Variants in NGEF observed in about 807,000 individuals in gnomAD.
NGEF encodes neuronal guanine nucleotide exchange factor.
A neutral mutation model predicts 80.9 loss-of-function variants in NGEF; 31 were observed. The observed-to-expected ratio is 0.38, with a 90% CI of 0.29 to 0.52. NGEF has a LOEUF of 0.52. Among genes scored for constraint, NGEF ranks in the 20% least tolerant of loss-of-function variants. The pLI, the probability that NGEF is intolerant of heterozygous loss-of-function variation, is 0.84. For missense variants in NGEF, 709 were observed against 926.2 expected (o/e 0.77, Z 3.04); for synonymous variants, 371 against 370.2 (o/e 1.00, Z -0.03).
Position 232,879,653 on chromosome 2 carries a change from C to G in NGEF, c.1969G>C (p.Asp657His), listed in dbSNP as rs375499710. Residue 657 changes from aspartate to histidine, a missense_variant, in exon 15 of 15, where the codon GAC becomes CAC. By Grantham distance (81) the Asp-to-His change is moderately conservative (BLOSUM62 -1). Coordinates refer to ENST00000264051, the MANE Select transcript of NGEF (RefSeq NM_019850.3). The part of the protein sequence containing the change: ...DGWIFGERLH[D>H]QERGWFPSSM... ...CTGGGGAACCAGCCTCTCTCCTGGT[C>G]GTGCAGACGCTCGCCAAAGATCCAC... 1.2e-6 allele frequency: 2 copies of G among 1,612,972 alleles called. No individual in the cohort carries two copies. The highest frequency in any genetic ancestry group is 1.7e-6 in the Non-Finnish European group (2 of 1,179,578).
At chr2:232,930,486 A>G (rs915725950) in intron 3 of NGEF, among the ~76,000 whole-genome samples, 2 of 151,494 alleles carry the variant, frequency 1.3e-5, no homozygotes, top group Admixed American at 6.6e-5. Context: ...CGCCTGGCTA[A>G]TTTTTGTATT....
intron 1 of NGEF, among the ~76,000 whole-genome samples, chr2:233,002,474 T>G (rs1207394780): frequency 6.6e-6 from 1 of 152,056 alleles, no homozygotes; most frequent in African/African-American, 2.4e-5. Context: ...GGCCAGGAGT[T>G]CGAGACCAGC....
intron 1 of NGEF, chr2:233,012,491 G>T: frequency 4.8e-6 from 1 of 210,220 alleles, no homozygotes; most frequent in Admixed American, 5.3e-5. Context: ...GAGCTAAAGC[G>T]CAGTGGGCTG....
chr2:232,907,781 C>T (rs760525617), intron 5 of NGEF, among the ~76,000 whole-genome samples: 3 of 152,098 alleles, frequency 2.0e-5, no homozygotes, highest in Non-Finnish European at 4.4e-5. Flanking sequence ...TGAACATTCA[C>T]GTTACTCATT....
At chr2:232,903,439 C>A (rs1279119138) in intron 5 of NGEF, among the ~76,000 whole-genome samples, 1 of 132,784 alleles carries the variant, frequency 7.5e-6, no homozygotes, top group Non-Finnish European at 1.5e-5. Context: ...CATGAGGGCA[C>A]ACACACACAC....
rs991424125 is a variant in NGEF, at chr2:232,923,348, C to T, written c.527-2763G>A. On this transcript the variant is annotated intron_variant, in intron 4 of 14. Transcript: ENST00000264051. ...CTATTGACTGCCTCTCCTGCACCCC[C>T]TCATGCCCCTCTCCCCGGTTGGCAG... Among the ~76,000 whole-genome samples the T allele has an allele frequency of 2.0e-5, 3 of 152,302 alleles. 1 individual carries two copies.
In NGEF at chr2:232,942,800, AAAAAAAAGAAAAG is replaced by A. The variant is rs1478593331; in HGVS notation, c.384-15627_384-15615del. On this transcript the variant is annotated intron_variant, in intron 3 of 14. Coordinates refer to ENST00000264051, the MANE Select transcript of NGEF (RefSeq NM_019850.3). The stretch of plus-strand genomic sequence containing the variant: ...GGCAGGAGACTCCGTCTCAAAAAAA[AAAAAAAAGAAAAG>A]AAAAGAAGAAAATGATGAGTGTACC... Among the ~76,000 whole-genome samples the A allele has an allele frequency of 2.6e-5, 4 of 151,730 alleles. No homozygotes were observed. The East Asian group carries it at 7.7e-4, about 29-fold the overall frequency.
chr2:232,967,549 AGTCTTGAACTCCT>A (rs1427770591), intron 3 of NGEF, among the ~76,000 whole-genome samples: 6 of 152,050 alleles, frequency 3.9e-5, no homozygotes, highest in African/African-American at 1.4e-4. Flanking sequence ...TGGCCAGGCT[AGTCTTGAACTCCT>A]GACCTCATGT....
intron 1 of NGEF, among the ~76,000 whole-genome samples, chr2:232,994,056 A>G (rs1259731394): frequency 6.6e-6 from 1 of 152,188 alleles, no homozygotes; most frequent in East Asian, 1.9e-4. Flanking sequence ...AACTGTGTGA[A>G]ATGTAAATTT....
At chr2:232,929,661 T>G (rs1693179606) in intron 3 of NGEF, among the ~76,000 whole-genome samples, 1 of 152,166 alleles carries the variant, frequency 6.6e-6, no homozygotes. Context: ...CCCAGGTATC[T>G]CCAGGCAGCC....
intron 5 of NGEF, among the ~76,000 whole-genome samples, chr2:232,897,669 C>T (rs560808408): frequency 6.6e-6 from 1 of 152,204 alleles, no homozygotes; most frequent in Non-Finnish European, 1.5e-5. Context: ...CTGCAGACCC[C>T]GAACCACCAT....
At chr2:232,959,308 G>T (rs1454382086) in intron 3 of NGEF, among the ~76,000 whole-genome samples, 1 of 152,112 alleles carries the variant, frequency 6.6e-6, no homozygotes, top group Non-Finnish European at 1.5e-5. Context: ...TAGAGCTGCA[G>T]GCTTGATTAG....
chr2:232,885,618 A>G, intron 9 of NGEF: 1 of 515,414 alleles, frequency 1.9e-6, no homozygotes, highest in South Asian at 2.1e-5. Flanking sequence ...CTAGGAAGCA[A>G]ACTCCAGAAA....
chr2:232,945,682 C>G (rs540975317), intron 3 of NGEF, among the ~76,000 whole-genome samples: 46 of 152,214 alleles, frequency 3.0e-4, no homozygotes, highest in African/African-American at 1.1e-3. Flanking sequence ...CACTTCTGGT[C>G]TCCAGAACTG....
At chr2:232,930,885 T>G (rs1559213345) in intron 3 of NGEF, among the ~76,000 whole-genome samples, 1 of 152,268 alleles carries the variant, frequency 6.6e-6, no homozygotes, top group African/African-American at 2.4e-5. Context: ...AAGTTTTAAC[T>G]TGTTCCAGCA....
intron 1 of NGEF, among the ~76,000 whole-genome samples, chr2:232,986,143 G>C (rs1028204787): frequency 6.6e-6 from 1 of 152,036 alleles, no homozygotes; most frequent in Non-Finnish European, 1.5e-5. Context: ...AATAGAAAAA[G>C]ACAAAACAAT....
At chr2:232,928,263 C>A (rs1693134139) in intron 3 of NGEF, 5 of 709,512 alleles carry the variant, frequency 7.0e-6, no homozygotes, top group Non-Finnish European at 8.6e-6. Flanking sequence ...GCGGGGGCGC[C>A]CGGGCTGGGC....
chr2:233,010,553 A>G (rs1270149113), intron 1 of NGEF, among the ~76,000 whole-genome samples: 1 of 151,442 alleles, frequency 6.6e-6, no homozygotes, highest in Non-Finnish European at 1.5e-5. Flanking sequence ...GATGGTGCCC[A>G]TCCTCCTCAT....
At chr2:232,943,561 TC>T (rs67422776) in intron 3 of NGEF, among the ~76,000 whole-genome samples, 57,796 of 149,692 alleles carry the variant, frequency 0.39, 11,661 homozygotes, top group Middle Eastern at 0.52. Flanking sequence ...AGTGGCGCGA[TC>T]TCGGCTCACT....
Sources: gnomAD v4.1 joint callset for allele counts (sites outside exome capture counted in the v4.1 genomes callset) on GRCh38, gnomAD v4.1.1 for gene constraint, MANE v1.5 for transcripts, NCBI Gene and HGNC (gene_info 2026-07-23, HGNC 2026-07-21) for gene names.